Variants in TMEM132C observed in about 807,000 individuals in gnomAD.
TMEM132C encodes the protein protein phosphatase 1, regulatory subunit 152.
A neutral mutation model predicts 61.4 loss-of-function variants in TMEM132C; 29 were observed. The ratio of observed to expected loss-of-function variants is 0.47; its 90% CI spans 0.35 to 0.64. TMEM132C has a LOEUF of 0.64. Ranked by LOEUF, TMEM132C falls within the 30% of genes least tolerant of loss-of-function variation. The pLI, the probability that TMEM132C is intolerant of heterozygous loss-of-function variation, is 0.00. For synonymous variants in TMEM132C, 656 were observed against 633.1 expected (o/e 1.04, Z -0.54); for missense variants, 1,408 against 1,476.9 (o/e 0.95, Z 0.76).
At chr12:128,449,292 C>T (rs1362995007) in intron 2 of TMEM132C, among the ~76,000 whole-genome samples, 1 of 152,078 alleles carries the variant, frequency 6.6e-6, no homozygotes, top group Non-Finnish European at 1.5e-5. Flanking sequence ...TCGGCTCCAT[C>T]GTAGCTCCAG....
At chr12:128,398,590 A>G (rs944877057) in intron 1 of TMEM132C, among the ~76,000 whole-genome samples, 3 of 152,260 alleles carry the variant, frequency 2.0e-5, no homozygotes, top group Admixed American at 6.5e-5. Flanking sequence ...GAGACAGGAT[A>G]GCGCAGAAAT....
In TMEM132C at chr12:128,694,004, G is replaced by A. The variant is rs1373057084; in HGVS notation, c.1625G>A (p.Gly542Asp). 16 of 1,551,706 alleles carry A rather than the reference G, an allele frequency of 1.0e-5. No homozygotes were observed. Among genetic ancestry groups the A allele is most frequent in the Non-Finnish European group, 1.4e-5 (16 of 1,147,006 alleles). Reference protein sequence around the residue: ...VSDTELSQIKGWRVPIVTNKR... With the variant: ...VSDTELSQIKDWRVPIVTNKR... The stretch of plus-strand genomic sequence containing the variant: ...GACACGGAGCTCAGCCAGATAAAGG[G>A]CTGGAGGGTCCCCATTGTGACCAAT... Residue 542 changes from glycine (G) to aspartate (D), a missense_variant, in exon 6 of 9, where the codon GGC becomes GAC. Physicochemically the swap from Gly to Asp is moderately conservative, Grantham distance 94. Coordinates refer to ENST00000435159, the MANE Select transcript of TMEM132C (RefSeq NM_001136103.3).
chr12:128,293,959 C>T (rs769962336), intron 1 of TMEM132C: 2 of 154,416 alleles, frequency 1.3e-5, no homozygotes, highest in South Asian at 2.0e-4. Flanking sequence ...TGACCTCACT[C>T]GGATTTCATT....
chr12:128,479,366 G>GA (rs1871251916), intron 2 of TMEM132C, among the ~76,000 whole-genome samples: 2 of 151,938 alleles, frequency 1.3e-5, no homozygotes, highest in Middle Eastern at 3.4e-3. Flanking sequence ...TAAAAGTTAA[G>GA]GAAAAAAAAG....
At chr12:128,414,557 G>A (rs1429393644) in intron 1 of TMEM132C, among the ~76,000 whole-genome samples, 175 bp from the exon 2 acceptor site, 1 of 152,090 alleles carries the variant, frequency 6.6e-6, no homozygotes, top group Non-Finnish European at 1.5e-5. Flanking sequence ...ATAATTCGTG[G>A]ACCATGTAGA....
chr12:128,365,697 A>G (rs571205232), intron 1 of TMEM132C, among the ~76,000 whole-genome samples: 11 of 152,234 alleles, frequency 7.2e-5, no homozygotes, highest in Non-Finnish European at 1.6e-4. Context: ...CAAACCAAAT[A>G]AAATGCAAAT....
intron 2 of TMEM132C, among the ~76,000 whole-genome samples, chr12:128,446,870 T>C (rs975427347): frequency 1.2e-4 from 19 of 152,166 alleles, no homozygotes; most frequent in Non-Finnish European, 2.5e-4. Flanking sequence ...CATTGCTGCA[T>C]AGACAGATAC....
At chr12:128,270,737 T>C (rs1333625312) in intron 1 of TMEM132C, among the ~76,000 whole-genome samples, 1 of 152,238 alleles carries the variant, frequency 6.6e-6, no homozygotes. Context: ...TCCTTGTCCC[T>C]TCTTATCCCT....
chr12:128,637,055 C>T, intron 4 of TMEM132C, among the ~76,000 whole-genome samples: 1 of 152,142 alleles, frequency 6.6e-6, no homozygotes, highest in Non-Finnish European at 1.5e-5. Flanking sequence ...GTGAGTAACC[C>T]AGCAATAAAT....
intron 1 of TMEM132C, among the ~76,000 whole-genome samples, chr12:128,413,298 C>CAAAAAAAAAAAAAAAAAAAAAA (rs56026776): frequency 1.7e-5 from 1 of 60,574 alleles, no homozygotes; most frequent in Non-Finnish European, 2.7e-5. Context: ...GACTCTGTCT[C>CAAAAAAAAAAAAAAAAAAAAAA]AAAAAAAAAA....
At position 128,561,992 on chromosome 12, in the gene TMEM132C, G is replaced by C. The variant is rs565584772; in HGVS notation, c.1121+17889G>C. ...CAGAGAAGAGATGGGTGGGGTGTTG[G>C]GGGGAGTGATCCAGGAAGATACCGT... On this transcript the variant is annotated intron_variant, in intron 3 of 8. Transcript: ENST00000435159. Among the ~76,000 whole-genome samples, 6 of 152,192 alleles carry C rather than the reference G, an allele frequency of 3.9e-5. No individual in the cohort carries two copies. In the East Asian group the frequency reaches 1.2e-3, roughly 29 times the overall value.
chr12:128,440,076 T>C (rs1264541530), intron 2 of TMEM132C, among the ~76,000 whole-genome samples: 2 of 152,174 alleles, frequency 1.3e-5, no homozygotes, highest in Admixed American at 6.5e-5. Flanking sequence ...TACTTATAGC[T>C]CTCTCTGATA....
At position 128,599,864 on chromosome 12, in the gene TMEM132C, G is replaced by A. The variant is rs1487926128; in HGVS notation, c.1122-16288G>A. 3.9e-5 allele frequency among the ~76,000 whole-genome samples: 6 copies of A among 152,280 alleles called. 1 individual carries two copies. The South Asian group carries it at 6.2e-4, about 16-fold the overall frequency. On this transcript the variant is annotated intron_variant, in intron 3 of 8. Transcript: ENST00000435159. ...GAATTCTAGTTCCCATAATACCCAC[G>A]TGTCATAGGAAGGACCTGGTGGGAG...
At chr12:128,437,301 A>G (rs1869633629) in intron 2 of TMEM132C, among the ~76,000 whole-genome samples, 1 of 150,222 alleles carries the variant, frequency 6.7e-6, no homozygotes, top group South Asian at 2.1e-4. Flanking sequence ...TTAATAAAAT[A>G]AATAAATAAA....
At chr12:128,298,159 G>A (rs1871468910) in intron 1 of TMEM132C, among the ~76,000 whole-genome samples, 1 of 152,200 alleles carries the variant, frequency 6.6e-6, no homozygotes, top group African/African-American at 2.4e-5. Flanking sequence ...GCACCTGTGA[G>A]AATGCACATC....
At chr12:128,274,328 A>ATTT (rs3043859) in intron 1 of TMEM132C, among the ~76,000 whole-genome samples, 46,420 of 151,722 alleles carry the variant, frequency 0.31, 7,614 homozygotes, top group Admixed American at 0.4. Context: ...TATGTATAAC[A>ATTT]TTTTTTTCTT....
At chr12:128,381,647 C>T (rs184795019) in intron 1 of TMEM132C, among the ~76,000 whole-genome samples, 18 of 152,264 alleles carry the variant, frequency 1.2e-4, no homozygotes, top group East Asian at 5.8e-4. Flanking sequence ...AAGATGCCAT[C>T]GGAAGGCACA....
chr12:128,393,641 G>C (rs1020865908), intron 1 of TMEM132C, among the ~76,000 whole-genome samples: 1 of 152,186 alleles, frequency 6.6e-6, no homozygotes, highest in Admixed American at 6.5e-5. Flanking sequence ...AAGGAGTTTT[G>C]TGTTTGGCAG....
chr12:128,317,073 C>A (rs1462365027), intron 1 of TMEM132C, among the ~76,000 whole-genome samples: 2 of 152,192 alleles, frequency 1.3e-5, no homozygotes, highest in Non-Finnish European at 2.9e-5. Flanking sequence ...CTGTTTCAGG[C>A]ATGTGTTTAA....
Sources: gnomAD v4.1 joint callset for allele counts (sites outside exome capture counted in the v4.1 genomes callset) on GRCh38, gnomAD v4.1.1 for gene constraint, MANE v1.5 for transcripts, NCBI Gene and HGNC (gene_info 2026-07-23, HGNC 2026-07-21) for gene names.